The following NKAIN2 variants were observed in gnomAD, a reference collection of about 807,000 sequenced individuals.
NKAIN2 encodes sodium/potassium-transporting ATPase subunit beta-1-interacting protein 2.
Under a neutral mutation model 32.6 loss-of-function variants are expected in NKAIN2, and 14 were observed. The ratio of observed to expected loss-of-function variants is 0.43; its 90% CI spans 0.28 to 0.67. The LOEUF (loss-of-function observed/expected upper bound fraction) is 0.67. Among genes scored for constraint, NKAIN2 ranks in the 30% least tolerant of loss-of-function variants. NKAIN2 has a pLI of 0.17. For missense variants in NKAIN2, 198 were observed against 258.3 expected (o/e 0.77, Z 1.60); for synonymous variants, 80 against 87.2 (o/e 0.92, Z 0.46).
chr6:124,099,781 C>A (rs1015864416), intron 1 of NKAIN2, among the ~76,000 whole-genome samples: 1 of 152,114 alleles, frequency 6.6e-6, no homozygotes, highest in South Asian at 2.1e-4. Flanking sequence ...AAACATCTTA[C>A]AATGCACAGG....
intron 1 of NKAIN2, among the ~76,000 whole-genome samples, chr6:124,148,304 GT>G (rs11316849): frequency 0.81 from 122,309 of 151,900 alleles, 49,641 homozygotes; most frequent in Middle Eastern, 0.87. Context: ...GAATTTGGTG[GT>G]TTTTTTAGTA....
At chr6:124,175,579 A>G (rs185487406) in intron 1 of NKAIN2, among the ~76,000 whole-genome samples, 52 of 152,322 alleles carry the variant, frequency 3.4e-4, no homozygotes, top group African/African-American at 1.2e-3. Flanking sequence ...TGGTTTACAA[A>G]TTTCAATGAC....
chr6:123,809,803 T>TA (rs1773378661), intron 1 of NKAIN2, among the ~76,000 whole-genome samples: 2 of 152,136 alleles, frequency 1.3e-5, no homozygotes, highest in South Asian at 4.1e-4. Flanking sequence ...TATAGACTCT[T>TA]TTTGTTTTTC....
At chr6:124,278,186 A>G (rs1795128021) in intron 1 of NKAIN2, among the ~76,000 whole-genome samples, 1 of 152,154 alleles carries the variant, frequency 6.6e-6, no homozygotes, top group African/African-American at 2.4e-5. Context: ...TTAAAGTTGA[A>G]TAGCAATAGA....
chr6:124,185,675 A>G (rs1445615318), intron 1 of NKAIN2, among the ~76,000 whole-genome samples: 1 of 152,164 alleles, frequency 6.6e-6, no homozygotes, highest in African/African-American at 2.4e-5. Context: ...GTGTGTACAA[A>G]TATACTTTTT....
intron 4 of NKAIN2, among the ~76,000 whole-genome samples, chr6:124,727,560 C>G (rs1776395157): frequency 6.6e-6 from 1 of 151,832 alleles, no homozygotes; most frequent in Non-Finnish European, 1.5e-5. Context: ...GAAGGAAGTG[C>G]TAAACATGGA....
chr6:123,966,978 C>A (rs1291376146), intron 1 of NKAIN2, among the ~76,000 whole-genome samples: 1 of 152,056 alleles, frequency 6.6e-6, no homozygotes, highest in Non-Finnish European at 1.5e-5. Flanking sequence ...TAAAAATCTC[C>A]CGAGTCCTAA....
chr6:123,959,117 G>A (rs373108019), intron 1 of NKAIN2, among the ~76,000 whole-genome samples: 21 of 152,270 alleles, frequency 1.4e-4, no homozygotes, highest in Admixed American at 1.3e-4. Context: ...ATATGTGGTA[G>A]GTCTGTGGGT....
At chr6:124,798,215 G>A (rs778562017) in intron 5 of NKAIN2, among the ~76,000 whole-genome samples, 3 of 152,052 alleles carry the variant, frequency 2.0e-5, no homozygotes, top group Non-Finnish European at 2.9e-5. Flanking sequence ...CATAATCTAA[G>A]AGGAGACAAT....
chr6:124,345,906 G>T (rs547227760), intron 2 of NKAIN2, among the ~76,000 whole-genome samples: 1 of 152,166 alleles, frequency 6.6e-6, no homozygotes, highest in East Asian at 1.9e-4. Context: ...TGCTTTTCTA[G>T]TTCTTTTAAT....
At position 123,918,480 on chromosome 6, in the gene NKAIN2, C is replaced by T. The variant is rs186549769; in HGVS notation, c.54+114226C>T. 9.0e-4 allele frequency among the ~76,000 whole-genome samples: 137 copies of T among 152,306 alleles called. 1 individual carries two copies. The highest frequency in any genetic ancestry group is 8.7e-4 in the Non-Finnish European group (59 of 68,024). On this transcript the variant is annotated intron_variant, in intron 1 of 6. Transcript: ENST00000368417. ...TTAAGGTAAGAGAAAATATCAACCG[C>T]ATGGCAGAAATGCCCTTTTCATCAA...
At chr6:123,833,677 G>A (rs1774479341) in intron 1 of NKAIN2, among the ~76,000 whole-genome samples, 1 of 137,072 alleles carries the variant, frequency 7.3e-6, no homozygotes, top group African/African-American at 2.8e-5. Context: ...TTAAGCAAAA[G>A]GTAATTTTTT....
At chr6:124,013,997 A>G (rs1780457104) in intron 1 of NKAIN2, among the ~76,000 whole-genome samples, 1 of 152,188 alleles carries the variant, frequency 6.6e-6, no homozygotes, top group South Asian at 2.1e-4. Flanking sequence ...TCTGATCTAT[A>G]GAACTATAGG....
At chr6:123,850,543 T>C (rs975383402) in intron 1 of NKAIN2, among the ~76,000 whole-genome samples, 1 of 152,120 alleles carries the variant, frequency 6.6e-6, no homozygotes, top group Admixed American at 6.5e-5. Context: ...AGTAGGCTAA[T>C]TTAGTAGAAG....
rs528356597 is a variant in NKAIN2, at chr6:123,989,184, T to C, written c.54+184930T>C. On this transcript the variant is annotated intron_variant, in intron 1 of 6. Coordinates refer to ENST00000368417, the MANE Select transcript of NKAIN2 (RefSeq NM_001040214.3). ...GGATACAATAAAACAATAATTTGTT[T>C]GGCTAATTGACAAATCGAATGGCTC... Among the ~76,000 whole-genome samples the C allele has an allele frequency of 2.8e-4, 43 of 152,292 alleles. No homozygotes were observed. The South Asian group carries it at 8.5e-3, about 30-fold the overall frequency.
chr6:124,192,508 G>A (rs971580831), intron 1 of NKAIN2, among the ~76,000 whole-genome samples: 4 of 151,992 alleles, frequency 2.6e-5, no homozygotes, highest in Non-Finnish European at 5.9e-5. Flanking sequence ...TTATGACCAG[G>A]CATATGGTCT....
At chr6:124,277,450 T>C (rs1474458942) in intron 1 of NKAIN2, among the ~76,000 whole-genome samples, 1 of 151,744 alleles carries the variant, frequency 6.6e-6, no homozygotes, top group Non-Finnish European at 1.5e-5. Context: ...TGTGTGTGTG[T>C]GTGTGTGTAT....
intron 1 of NKAIN2, among the ~76,000 whole-genome samples, chr6:123,957,208 A>C (rs73773028): frequency 0.051 from 7,726 of 152,262 alleles, 609 homozygotes; most frequent in African/African-American, 0.17. Flanking sequence ...CATAGTATAC[A>C]AAAATATTTT....
intron 3 of NKAIN2, among the ~76,000 whole-genome samples, chr6:124,447,204 C>G (rs1251185170): frequency 6.6e-6 from 1 of 152,062 alleles, no homozygotes; most frequent in Admixed American, 6.6e-5. Flanking sequence ...GCATAGAACT[C>G]TGCTGAGAAT....
Sources: allele counts gnomAD v4.1 joint callset (sites outside exome capture counted in the v4.1 genomes callset), GRCh38; gene constraint gnomAD v4.1.1; transcripts MANE v1.5; gene names NCBI Gene and HGNC (gene_info 2026-07-23, HGNC 2026-07-21).